The following PTPRB variants were observed in gnomAD, a reference collection of about 807,000 sequenced individuals.
PTPRB encodes protein tyrosine phosphatase receptor type B, also known as receptor-type tyrosine-protein phosphatase beta.
Under a neutral mutation model 238.1 loss-of-function variants are expected in PTPRB, and 97 were observed. The ratio of observed to expected loss-of-function variants is 0.41; its 90% CI spans 0.35 to 0.48. PTPRB has a LOEUF of 0.48. PTPRB is among the 20% of genes least tolerant of loss of function. PTPRB has a pLI of 0.30. For missense variants in PTPRB, 2,292 were observed against 2,681.9 expected, an observed-to-expected ratio of 0.85 and a Z score of 3.21; for synonymous variants, 970 against 995.4, an observed-to-expected ratio of 0.97 and a Z score of 0.48.
Position 70,587,231 on chromosome 12 carries a change from G to T in PTPRB, c.2087C>A (p.Ala696Asp). 2 of 1,613,848 alleles carry T rather than the reference G, an allele frequency of 1.2e-6. No homozygotes were observed. The highest frequency in any genetic ancestry group is 2.2e-5 in the South Asian group (2 of 91,072). ...CATGATACTCAGTGAGGTTTCATTGGCATGTTTGACACGAAGCTGGAGGAC... is the reference window on the plus strand; with the variant it reads ...CATGATACTCAGTGAGGTTTCATTGTCATGTTTGACACGAAGCTGGAGGAC... ...LAVLQLRVKH[A>D]NETSLSIMWQ... The change falls in exon 9 of 34, where the codon GCC (alanine) becomes GAC (aspartate). Residue 696 changes from alanine to aspartate, a missense_variant. Ala to Asp is a moderately radical substitution (Grantham distance 126). Around this residue, in one of 4 missense-constraint regions of PTPRB, gnomAD observed 1,205 missense variants for 1,287.8 expected, o/e 0.94. Transcript: ENST00000334414.
intron 32 of PTPRB, among the ~76,000 whole-genome samples, 198 bp downstream of exon 32, chr12:70,531,837 C>A (rs573778995): frequency 1.3e-5 from 2 of 152,158 alleles, no homozygotes; most frequent in East Asian, 3.9e-4. Context: ...TAAAATGATC[C>A]CCAAGATGGT....
chr12:70,586,888 G>C (rs1881968719), intron 9 of PTPRB, 119 bp downstream of exon 9: 2 of 947,538 alleles, frequency 2.1e-6, no homozygotes, highest in African/African-American at 1.7e-5. Flanking sequence ...CAATAGAAAG[G>C]ATCCATAAAG....
At chr12:70,576,776 TTA>T (rs931705930) in intron 10 of PTPRB, 131 bp from the exon 11 acceptor site, 1 of 607,800 alleles carries the variant, frequency 1.6e-6, no homozygotes, top group African/African-American at 1.9e-5. Context: ...TCTAATCTGA[TTA>T]TATAAGAGGT....
chr12:70,573,589 C>T lies in PTPRB; in HGVS notation c.2843-1502G>A, dbSNP rs370165223. Among the ~76,000 whole-genome samples the T allele has an allele frequency of 2.1e-3, 308 of 148,896 alleles. 2 individuals carry two copies. Among genetic ancestry groups the T allele is most frequent in the Non-Finnish European group, 3.3e-3 (226 of 67,620 alleles). ...TGGTGCGATCTTGGCTCACTGGAAC[C>T]TCTGCCTTCTGGTTCAAGCGATTCT... On this transcript the variant is annotated intron_variant, in intron 11 of 33. Transcript: ENST00000334414.
At position 70,541,045 on chromosome 12, in the gene PTPRB, C is replaced by A. The variant is rs569160473; in HGVS notation, c.5495-88G>T. ...AGAAAGCTATTGAAGCCATATCTCC[C>A]AAGTAATGTTATTACAAATAGAATT... On this transcript the variant is annotated intron_variant, in intron 22 of 33. Transcript: ENST00000334414. The A allele has an allele frequency of 1.1e-4, 115 of 1,021,514 alleles. No homozygotes were observed. The African/African-American group carries it at 1.5e-3, about 13-fold the overall frequency. The allele number at this position is 1,021,514 out of a possible 1,614,324, so 63.3% of individuals were successfully genotyped here.
At position 70,596,128 on chromosome 12, in the gene PTPRB, A is replaced by C; in HGVS notation, c.1179T>G (p.Ala393=). 1 of 1,613,618 alleles carries C rather than the reference A, an allele frequency of 6.2e-7. No homozygotes were observed. The highest frequency in any genetic ancestry group is 8.5e-7 in the Non-Finnish European group (1 of 1,179,560). The part of the protein sequence containing the change: ...WNEYTFFNLT[A]GSKYNIAITA... The stretch of plus-strand genomic sequence containing the variant: ...TGATGGCAATATTGTATTTACTACC[A>C]GCAGTGAGATTGAAAAAAGTGTATT... Residue 393 remains alanine, a synonymous_variant, in exon 5 of 34, where the codon GCT becomes GCG. Transcript: ENST00000334414.
intron 21 of PTPRB, among the ~76,000 whole-genome samples, chr12:70,548,270 G>A (rs532387447): frequency 6.6e-6 from 1 of 152,054 alleles, no homozygotes; most frequent in Admixed American, 6.5e-5. Context: ...GGAGGTTGCA[G>A]TGAGCTGAGA....
intron 33 of PTPRB, among the ~76,000 whole-genome samples, chr12:70,522,852 G>A (rs368737441): frequency 2.0e-4 from 26 of 128,814 alleles, no homozygotes; most frequent in Non-Finnish European, 3.9e-4. Flanking sequence ...GCATTCTTTT[G>A]TTTGTTTTTT....
rs1268522322 is a variant in PTPRB, at chr12:70,524,589, A to G, written c.6507T>C (p.Cys2169=). Residue 2169 remains cysteine (C), a splice_region_variant and synonymous_variant, in exon 33 of 34, where the codon TGT becomes TGC. Coordinates refer to ENST00000334414, the MANE Select transcript of PTPRB (RefSeq NM_001109754.4). The part of the protein sequence containing the change: ...LHRVHMVQTE[C]QYVYLHQCVR... ...CACACTGATGTAGGTAGACATACTGACACTGTGGAAAAGCAGAAACATGTC... is the reference window on the plus strand; with the variant it reads ...CACACTGATGTAGGTAGACATACTGGCACTGTGGAAAAGCAGAAACATGTC... 1.9e-6 allele frequency: 3 copies of G among 1,609,032 alleles called. No individual in the cohort carries two copies. The highest frequency in any genetic ancestry group is 3.4e-5 in the Admixed American group (2 of 59,306).
chr12:70,571,023 T>C lies in PTPRB; in HGVS notation c.3370+3A>G. The C allele has an allele frequency of 1.2e-6, 2 of 1,613,638 alleles. No individual in the cohort carries two copies. Among genetic ancestry groups the C allele is most frequent in the Non-Finnish European group, 8.5e-7 (1 of 1,179,632 alleles). ...CAGGTTCAAGAACAGTATTTCACAT[T>C]ACCTGTGAAGCCCTCAATGAAGGCT... On this transcript the variant is annotated splice_donor_region_variant and intron_variant, in intron 13 of 33. Transcript: ENST00000334414.
At position 70,532,173 on chromosome 12, in the gene PTPRB, A is replaced by G. The variant is rs776435856; in HGVS notation, c.6369-3T>C. 3 of 1,583,656 alleles carry G rather than the reference A, an allele frequency of 1.9e-6. No individual in the cohort carries two copies. The highest frequency in any genetic ancestry group is 3.7e-5 in the Admixed American group (2 of 53,564). On this transcript the variant is annotated splice_polypyrimidine_tract_variant and splice_region_variant and intron_variant, in intron 31 of 33. Coordinates refer to ENST00000334414, the MANE Select transcript of PTPRB (RefSeq NM_001109754.4). ...TTCCAGTCCTACCCACACCAGCACTAGAAGAGATGGCAAAGGAAGATTGAG... is the reference window on the plus strand; with the variant it reads ...TTCCAGTCCTACCCACACCAGCACTGGAAGAGATGGCAAAGGAAGATTGAG...
intron 5 of PTPRB, among the ~76,000 whole-genome samples, chr12:70,595,130 G>A (rs1394824219): frequency 2.0e-5 from 3 of 152,130 alleles, no homozygotes; most frequent in Admixed American, 6.5e-5. Context: ...AAAAAAGGAC[G>A]AGTTCATGTC....
At chr12:70,579,661 C>T (rs1881158838) in intron 10 of PTPRB, among the ~76,000 whole-genome samples, 1 of 143,430 alleles carries the variant, frequency 7.0e-6, no homozygotes, top group Non-Finnish European at 1.5e-5. Flanking sequence ...CGTGCCACTG[C>T]ACTCCAGCCT....
At chr12:70,599,546 C>T (rs943015714) in intron 4 of PTPRB, among the ~76,000 whole-genome samples, 3 of 152,076 alleles carry the variant, frequency 2.0e-5, no homozygotes, top group African/African-American at 4.8e-5. Context: ...TTATCATTAG[C>T]CATAAATTTA....
chr12:70,547,827 G>A (rs527401124), intron 21 of PTPRB, among the ~76,000 whole-genome samples: 3 of 151,772 alleles, frequency 2.0e-5, no homozygotes, highest in Non-Finnish European at 2.9e-5. Flanking sequence ...TTTCAAACAT[G>A]TTTCTGTTTG....
chr12:70,625,945 A>G (rs944833762), intron 2 of PTPRB, among the ~76,000 whole-genome samples: 1 of 152,182 alleles, frequency 6.6e-6, no homozygotes, highest in Non-Finnish European at 1.5e-5. Flanking sequence ...TAATGACTGC[A>G]TAATATCAAG....
At chr12:70,574,147 T>G (rs866434104) in intron 11 of PTPRB, among the ~76,000 whole-genome samples, 1 of 152,318 alleles carries the variant, frequency 6.6e-6, no homozygotes. Context: ...ATTTGGTATA[T>G]ATTAGGGGTT....
intron 16 of PTPRB, among the ~76,000 whole-genome samples, chr12:70,561,454 T>C (rs150437195): frequency 1.8e-4 from 28 of 152,332 alleles, no homozygotes; most frequent in Admixed American, 6.5e-4. Flanking sequence ...AGATTAGTCA[T>C]GCTGCCACCT....
intron 3 of PTPRB, among the ~76,000 whole-genome samples, chr12:70,618,301 G>A (rs1884768994): frequency 6.6e-6 from 1 of 152,088 alleles, no homozygotes; most frequent in Non-Finnish European, 1.5e-5. Flanking sequence ...GCAGAGACAG[G>A]GTTTTGCCCT....
Sources: gnomAD v4.1 joint callset for allele counts (sites outside exome capture counted in the v4.1 genomes callset) on GRCh38, gnomAD v4.1.1 for gene constraint, gnomAD v4.1.1 regional missense constraint, MANE v1.5 for transcripts, NCBI Gene and HGNC (gene_info 2026-07-23, HGNC 2026-07-21) for gene names.